Variants in CSMD1 observed in about 807,000 individuals in gnomAD.
The protein encoded by CSMD1 is CUB and sushi domain-containing protein 1.
In CSMD1, 213 loss-of-function variants were observed where a neutral mutation model predicts 417.5. The ratio of observed to expected loss-of-function variants is 0.51; its 90% confidence interval spans 0.46 to 0.57. The LOEUF is 0.57. Among genes scored for constraint, CSMD1 ranks in the 20% least tolerant of loss-of-function variants. The pLI is 0.00. For synonymous variants in CSMD1, 2,862 were observed against 1,736.8 expected, an observed-to-expected ratio of 1.65 and a Z score of -16.11; for missense variants, 6,923 against 4,529.7, an observed-to-expected ratio of 1.53 and a Z score of -15.17.
intron 3 of CSMD1, among the ~76,000 whole-genome samples, chr8:4,179,845 C>T (rs1798256924): frequency 6.6e-6 from 1 of 152,122 alleles, no homozygotes. Context: ...CATCACTGGC[C>T]ATCAGAGAAA....
At chr8:4,325,874 G>C (rs373421678) in intron 3 of CSMD1, among the ~76,000 whole-genome samples, 2 of 152,064 alleles carry the variant, frequency 1.3e-5, no homozygotes, top group East Asian at 1.9e-4. Flanking sequence ...TGAGAGTTCC[G>C]TTCTGTATAT....
intron 3 of CSMD1, among the ~76,000 whole-genome samples, chr8:4,399,271 C>G (rs1247107453): frequency 6.6e-6 from 1 of 152,120 alleles, no homozygotes; most frequent in Non-Finnish European, 1.5e-5. Context: ...AAAACAGCAA[C>G]AAAGGACCAT....
intron 1 of CSMD1, among the ~76,000 whole-genome samples, chr8:4,836,737 C>G (rs1392802893): frequency 6.6e-6 from 1 of 151,986 alleles, no homozygotes; most frequent in Non-Finnish European, 1.5e-5. Context: ...GGTCTAAACC[C>G]CCAGATATCA....
At chr8:3,456,067 C>G (rs1019879312) in intron 12 of CSMD1, among the ~76,000 whole-genome samples, 4 of 152,164 alleles carry the variant, frequency 2.6e-5, no homozygotes, top group Non-Finnish European at 5.9e-5. Flanking sequence ...AGACTGCTGT[C>G]TCAGCAATGA....
At chr8:4,148,046 G>A (rs189470319) in intron 3 of CSMD1, among the ~76,000 whole-genome samples, 37 of 151,926 alleles carry the variant, frequency 2.4e-4, no homozygotes, top group African/African-American at 7.7e-4. Context: ...TGACCTTTAC[G>A]GTAAAGAAAT....
At chr8:3,498,189 C>A (rs902070870) in intron 10 of CSMD1, among the ~76,000 whole-genome samples, 1 of 152,056 alleles carries the variant, frequency 6.6e-6, no homozygotes, top group Non-Finnish European at 1.5e-5. Context: ...GAGCTTCTTG[C>A]TTATATTTGA....
intron 7 of CSMD1, among the ~76,000 whole-genome samples, chr8:3,630,770 G>T (rs1050825290): frequency 1.3e-5 from 2 of 152,118 alleles, no homozygotes; most frequent in African/African-American, 4.8e-5. Flanking sequence ...CACTCACCAT[G>T]GTGGCTAAAG....
chr8:4,942,421 T>G (rs11996410), intron 1 of CSMD1, among the ~76,000 whole-genome samples: 77,586 of 151,656 alleles, frequency 0.51, 21,066 homozygotes, highest in East Asian at 0.79. Context: ...GAATTCACAG[T>G]TATCTACATC....
In CSMD1 at chr8:3,782,762, G is replaced by C. The variant is rs573398969; in HGVS notation, c.819-28720C>G. The stretch of plus-strand genomic sequence containing the variant: ...CTGAATTATAAGAACAGTATGAATA[G>C]AGATCTAAATAAACTTTAGGAATTA... On this transcript the variant is annotated intron_variant, in intron 5 of 69. Coordinates refer to ENST00000635120, the MANE Select transcript of CSMD1 (RefSeq NM_033225.6). Among the ~76,000 whole-genome samples, 23 of 152,316 alleles carry C rather than the reference G, an allele frequency of 1.5e-4. No homozygotes were observed. In the East Asian group the frequency reaches 4.1e-3, roughly 27 times the overall value.
At chr8:3,179,053 T>C (rs1309894765) in intron 37 of CSMD1, among the ~76,000 whole-genome samples, 3 of 151,506 alleles carry the variant, frequency 2.0e-5, no homozygotes, top group Non-Finnish European at 4.4e-5. Context: ...GTTCACGCCA[T>C]TCTCCTGCCT....
At chr8:3,242,770 T>A (rs1244015022) in intron 26 of CSMD1, among the ~76,000 whole-genome samples, 1 of 150,580 alleles carries the variant, frequency 6.6e-6, no homozygotes, top group Non-Finnish European at 1.5e-5. Flanking sequence ...GGGTTCGGGG[T>A]TTCTTACCCT....
In CSMD1 at chr8:4,793,999, A is replaced by G. The variant is rs78949749; in HGVS notation, c.86-156441T>C. On this transcript the variant is annotated intron_variant, in intron 1 of 69. Transcript: ENST00000635120. ...TACAAAGGCTTACAGGAGTATTTGCATACATTTTAAAAGCAGTTTCTTATA... is the reference window on the plus strand; with the variant it reads ...TACAAAGGCTTACAGGAGTATTTGCGTACATTTTAAAAGCAGTTTCTTATA... Among the ~76,000 whole-genome samples, 877 of 152,300 alleles carry G rather than the reference A, an allele frequency of 5.8e-3. 11 individuals are homozygous for G. Among genetic ancestry groups the G allele is most frequent in the African/African-American group, 0.021 (855 of 41,562 alleles).
intron 1 of CSMD1, among the ~76,000 whole-genome samples, chr8:4,643,591 A>T (rs908392626): frequency 6.6e-6 from 1 of 152,212 alleles, no homozygotes; most frequent in Non-Finnish European, 1.5e-5. Flanking sequence ...TTTATTTAAG[A>T]GCTAAGGAGT....
intron 30 of CSMD1, among the ~76,000 whole-genome samples, chr8:3,209,119 G>A (rs1797460269): frequency 6.6e-6 from 1 of 152,058 alleles, no homozygotes; most frequent in Non-Finnish European, 1.5e-5. Context: ...TGAAATTCAG[G>A]AAAACTGACT....
At chr8:3,712,726 G>C (rs1003247126) in intron 6 of CSMD1, among the ~76,000 whole-genome samples, 1 of 152,220 alleles carries the variant, frequency 6.6e-6, no homozygotes, top group South Asian at 2.1e-4. Context: ...TTATTGTGTG[G>C]AAGATAACTT....
At chr8:4,533,588 G>A (rs138803077) in intron 2 of CSMD1, among the ~76,000 whole-genome samples, 153 of 151,984 alleles carry the variant, frequency 1.0e-3, no homozygotes, top group South Asian at 1.9e-3. Context: ...TAACCAATCC[G>A]AGAAGAGGAT....
At chr8:3,596,462 G>C (rs1234041382) in intron 8 of CSMD1, among the ~76,000 whole-genome samples, 1 of 152,148 alleles carries the variant, frequency 6.6e-6, no homozygotes, top group African/African-American at 2.4e-5. Flanking sequence ...GAGACTCAGA[G>C]GGCCCTCTGC....
intron 23 of CSMD1, among the ~76,000 whole-genome samples, chr8:3,325,873 A>T (rs533476853): frequency 2.8e-4 from 42 of 152,344 alleles, no homozygotes; most frequent in Admixed American, 2.0e-4. Context: ...ATGAAAGTAA[A>T]TAACAATGTG....
chr8:4,539,596 G>C (rs576738754), intron 2 of CSMD1, among the ~76,000 whole-genome samples: 3 of 152,132 alleles, frequency 2.0e-5, no homozygotes, highest in Admixed American at 2.0e-4. Flanking sequence ...ATGTTAAAAG[G>C]GACTTAGGAA....
Sources: allele counts gnomAD v4.1 joint callset (sites outside exome capture counted in the v4.1 genomes callset), GRCh38; gene constraint gnomAD v4.1.1; transcripts MANE v1.5; gene names NCBI Gene and HGNC (gene_info 2026-07-23, HGNC 2026-07-21).